GLRA1: variants seen among roughly 807,000 people sequenced by gnomAD.
GLRA1 encodes the protein glycine receptor alpha 1, also known as glycine receptor subunit alpha-1.
A neutral mutation model predicts 48.3 loss-of-function variants in GLRA1; 37 were observed. That is an observed-to-expected ratio of 0.77 (90% CI 0.59 to 1.01). The LOEUF is 1.01. Among genes scored for constraint, GLRA1 ranks in the 50% least tolerant of loss-of-function variants. The pLI is 0.00. For missense variants in GLRA1, 427 were observed against 571.0 expected, an observed-to-expected ratio of 0.75 and a Z score of 2.57; for synonymous variants, 196 against 210.7, an observed-to-expected ratio of 0.93 and a Z score of 0.60.
intron 7 of GLRA1, among the ~76,000 whole-genome samples, chr5:151,843,691 A>G (rs1446818661): frequency 2.0e-5 from 3 of 152,256 alleles, no homozygotes; most frequent in Non-Finnish European, 2.9e-5. Context: ...AGCTACAGTA[A>G]TCAAAACGGT....
chr5:151,879,178 C>G (rs1753699004), intron 3 of GLRA1, among the ~76,000 whole-genome samples: 1 of 152,234 alleles, frequency 6.6e-6, no homozygotes, highest in Admixed American at 6.5e-5. Flanking sequence ...CAAAAGAGAT[C>G]ATTTTGGATC....
intron 7 of GLRA1, among the ~76,000 whole-genome samples, chr5:151,841,096 A>G (rs1763702999): frequency 6.6e-6 from 1 of 152,120 alleles, no homozygotes; most frequent in Non-Finnish European, 1.5e-5. Flanking sequence ...GAAGTGCACC[A>G]TGGAGTATTT....
intron 1 of GLRA1, among the ~76,000 whole-genome samples, chr5:151,904,298 G>T (rs1044519811): frequency 6.6e-6 from 1 of 152,118 alleles, no homozygotes; most frequent in South Asian, 2.1e-4. Flanking sequence ...ACACACAGGG[G>T]GACCAAACGG....
chr5:151,889,581 C>T (rs544997261), intron 2 of GLRA1, among the ~76,000 whole-genome samples: 5 of 152,242 alleles, frequency 3.3e-5, no homozygotes, highest in East Asian at 3.9e-4. Context: ...TGTGTTTTCA[C>T]GAGGGTCAGG....
At chr5:151,911,053 T>C (rs766729897) in intron 1 of GLRA1, among the ~76,000 whole-genome samples, 14 of 152,190 alleles carry the variant, frequency 9.2e-5, no homozygotes, top group Admixed American at 7.9e-4. Context: ...AGAAAGCCCA[T>C]TGGGAGAGAA....
intron 7 of GLRA1, among the ~76,000 whole-genome samples, chr5:151,851,067 G>A (rs1235176812): frequency 2.0e-5 from 3 of 152,152 alleles, no homozygotes; most frequent in Non-Finnish European, 2.9e-5. Context: ...GCAGAATATT[G>A]TACTTAGCCC....
In GLRA1 at chr5:151,891,179, C is replaced by T. The variant is rs76484314; in HGVS notation, c.184+1132G>A. 8.4e-3 allele frequency among the ~76,000 whole-genome samples: 1,286 copies of T among 152,248 alleles called. 20 individuals are homozygous for T. Among genetic ancestry groups the T allele is most frequent in the African/African-American group, 0.029 (1,214 of 41,548 alleles). ...TTGGAATAAGATTTTTGCAAGGATG[C>T]TGGGAGGAAGGTCAGAGTGCATAGG... On this transcript the variant is annotated intron_variant, in intron 2 of 8. Coordinates refer to ENST00000274576, the MANE Select transcript of GLRA1 (RefSeq NM_000171.4).
intron 3 of GLRA1, among the ~76,000 whole-genome samples, chr5:151,868,008 T>C (rs1758891755): frequency 6.6e-6 from 1 of 152,210 alleles, no homozygotes; most frequent in African/African-American, 2.4e-5. Context: ...TTTAAGGCTG[T>C]TGTGACAATC....
intron 2 of GLRA1, among the ~76,000 whole-genome samples, chr5:151,891,762 T>C (rs1016366061): frequency 1.3e-5 from 2 of 152,188 alleles, no homozygotes; most frequent in African/African-American, 4.8e-5. Context: ...AGAATTTTAG[T>C]TGGGAGCCCA....
chr5:151,908,027 A>T (rs1242257361), intron 1 of GLRA1, among the ~76,000 whole-genome samples: 1 of 152,186 alleles, frequency 6.6e-6, no homozygotes, highest in South Asian at 2.1e-4. Flanking sequence ...GTGGATGAGG[A>T]AAAGGAGGAA....
rs70976031 is a variant in GLRA1 at position 151,884,427 on chromosome 5, T to TCAAAA, written c.252+2289_252+2293dup. Among the ~76,000 whole-genome samples the TCAAAA allele has an allele frequency of 4.2e-4, 62 of 148,824 alleles. 1 individual carries two copies. Among genetic ancestry groups the TCAAAA allele is most frequent in the East Asian group, 6.0e-4 (3 of 5,028 alleles). ...CTGGGCAACAGGGTGAAACTCTGTCTCAAAACAAAACAAAACAAAACAAAA... is the reference window on the plus strand; with the variant it reads ...CTGGGCAACAGGGTGAAACTCTGTCTCAAAACAAAACAAAACAAAACAAAACAAAA... On this transcript the variant is annotated intron_variant, in intron 3 of 8. Transcript: ENST00000274576.
intron 3 of GLRA1, among the ~76,000 whole-genome samples, chr5:151,881,202 T>A (rs775333368): frequency 3.1e-4 from 47 of 152,222 alleles, no homozygotes; most frequent in Non-Finnish European, 4.8e-4. Flanking sequence ...CACACATTTG[T>A]CCAGACAAGC....
rs144754487 is a variant in GLRA1, at chr5:151,923,755, A to G, written c.56+739T>C. 7.9e-3 allele frequency among the ~76,000 whole-genome samples: 1,203 copies of G among 152,346 alleles called. 22 individuals carry two copies. The highest frequency in any genetic ancestry group is 0.027 in the African/African-American group (1,135 of 41,574). Reference sequence around the variant, plus strand: ...ATAAATTTAAAAACAAAGCAAATGAAGATTGCTCATGAGTTCAGGATCTGC... The same window carrying G: ...ATAAATTTAAAAACAAAGCAAATGAGGATTGCTCATGAGTTCAGGATCTGC... On this transcript the variant is annotated intron_variant, in intron 1 of 8. Coordinates refer to ENST00000274576, the MANE Select transcript of GLRA1 (RefSeq NM_000171.4).
chr5:151,885,822 G>A (rs1029626831), intron 3 of GLRA1, among the ~76,000 whole-genome samples: 5 of 152,174 alleles, frequency 3.3e-5, no homozygotes, highest in African/African-American at 1.2e-4. Context: ...GAGCAGTGAC[G>A]TGGTTAGATT....
chr5:151,870,746 G>A (rs1372187415), intron 3 of GLRA1, among the ~76,000 whole-genome samples: 9 of 149,620 alleles, frequency 6.0e-5, no homozygotes, highest in Non-Finnish European at 1.0e-4. Flanking sequence ...GTGTGGTGAC[G>A]CAAGGATGGT....
At position 151,840,184 on chromosome 5, in the gene GLRA1, C is replaced by A. The variant is rs1368364940; in HGVS notation, c.913-11117G>T. On this transcript the variant is annotated intron_variant, in intron 7 of 8. Coordinates refer to ENST00000274576, the MANE Select transcript of GLRA1 (RefSeq NM_000171.4). ...GCATGGCTCACTGCAGCCTCAATCT[C>A]CAAGGTTCAAGCAGTCCTCCCACCT... Among the ~76,000 whole-genome samples, 5 of 151,842 alleles carry A rather than the reference C, an allele frequency of 3.3e-5. No homozygotes were observed. In the East Asian group the frequency reaches 9.6e-4, roughly 29 times the overall value.
At chr5:151,829,222 A>C (rs1401689167) in intron 7 of GLRA1, among the ~76,000 whole-genome samples, 155 bp from the exon 8 acceptor site, 1 of 152,226 alleles carries the variant, frequency 6.6e-6, no homozygotes, top group Non-Finnish European at 1.5e-5. Context: ...ATAGAGGAAA[A>C]CAGAAAAGAA....
At chr5:151,918,107 C>T (rs1036612477) in intron 1 of GLRA1, among the ~76,000 whole-genome samples, 1 of 152,138 alleles carries the variant, frequency 6.6e-6, no homozygotes, top group East Asian at 1.9e-4. Context: ...CAAAGGGATC[C>T]TTTGTAAGGA....
chr5:151,903,972 C>T (rs1754419886), intron 1 of GLRA1, among the ~76,000 whole-genome samples: 1 of 152,214 alleles, frequency 6.6e-6, no homozygotes, highest in Non-Finnish European at 1.5e-5. Flanking sequence ...CTGTTCAAAT[C>T]TGCTAAAACA....
Sources: gnomAD v4.1 joint callset for allele counts (sites outside exome capture counted in the v4.1 genomes callset) on GRCh38, gnomAD v4.1.1 for gene constraint, MANE v1.5 for transcripts, NCBI Gene and HGNC (gene_info 2026-07-23, HGNC 2026-07-21) for gene names.